The following GBP2 variants were observed in gnomAD, a reference collection of about 807,000 sequenced individuals.
The protein encoded by GBP2 is guanylate binding protein 2.
Under a neutral mutation model 60.8 loss-of-function variants are expected in GBP2, and 54 were observed. The ratio of observed to expected loss-of-function variants is 0.89; its 90% CI spans 0.71 to 1.11. The LOEUF is 1.11. GBP2 is among the 50% of genes most tolerant of loss of function. The pLI is 0.00. For synonymous variants in GBP2, 243 were observed against 256.5 expected (o/e 0.95, Z 0.50); for missense variants, 665 against 703.3 (o/e 0.95, Z 0.62).
At chr1:89,124,735 A>T (rs1323114176) in intron 1 of GBP2, among the ~76,000 whole-genome samples, 2 of 152,196 alleles carry the variant, frequency 1.3e-5, no homozygotes, top group Admixed American at 1.3e-4. Context: ...ATTTGCTGTG[A>T]ATCAGCATTC....
Position 89,117,138 on chromosome 1 carries a change from G to A in GBP2, c.722C>T (p.Pro241Leu). The change falls in exon 6 of 11, where the codon CCT (proline) becomes CTT (leucine). Residue 241 changes from proline to leucine, a missense_variant. Physicochemically the swap from Pro to Leu is moderately conservative, Grantham distance 98. Transcript: ENST00000370466. ...RKCFVFDWPA[P>L]KKYLAHLEQL... ...CTCTAGGTGAGCAAGGTACTTCTTA[G>A]GAGCGGGCCAATCGAAGACGAAGCA... 6.2e-7 allele frequency: 1 copy of A among 1,614,174 alleles called. No individual in the cohort carries two copies. The highest frequency in any genetic ancestry group is 8.5e-7 in the Non-Finnish European group (1 of 1,180,032).
At position 89,106,782 on chromosome 1, in the gene GBP2, G is replaced by C. The variant is rs1681062140; in HGVS notation, c.*1393C>G. 1 of 149,022 alleles carries C rather than the reference G, an allele frequency of 6.7e-6. No homozygotes were observed. Among genetic ancestry groups the C allele is most frequent in the South Asian group, 2.1e-4 (1 of 4,818 alleles). 9.2% of individuals were successfully genotyped at this position (149,022 alleles called of 1,614,324 possible). A position where few individuals can be genotyped will look rare whatever the true frequency, so the allele number is the denominator to read the frequency against. On this transcript the variant is annotated 3_prime_UTR_variant, in exon 11 of 11. Transcript: ENST00000370466. ...GATTCTTCCCTGCAGATTGACTTTT[G>C]TGAGGCTTAGCTGGAGATGTGAGCA...
rs1166072952 is a variant in GBP2, at chr1:89,114,282, C to A, written c.883G>T (p.Val295Leu). 1 of 1,614,134 alleles carries A rather than the reference C, an allele frequency of 6.2e-7. No individual in the cohort carries two copies. Among genetic ancestry groups the A allele is most frequent in the Non-Finnish European group, 8.5e-7 (1 of 1,179,966 alleles). Reference sequence around the variant, plus strand: ...CTGATGGCATTGACGTAGGTCAGCACCAGGCTCTCTAGACCTGCAAAAGGG... The same window carrying A: ...CTGATGGCATTGACGTAGGTCAGCAACAGGCTCTCTAGACCTGCAAAAGGG... Reference protein sequence around the residue: ...PVNGPRLESLVLTYVNAISSG... With the variant: ...PVNGPRLESLLLTYVNAISSG... Residue 295 changes from valine (V) to leucine (L), a missense_variant, in exon 7 of 11, where the codon GTG becomes TTG. Transcript: ENST00000370466.
In GBP2 at chr1:89,121,142, C is replaced by G. The variant is rs1404077796; in HGVS notation, c.318+1G>C. 1.1e-5 allele frequency: 17 copies of G among 1,607,420 alleles called. No homozygotes were observed. The highest frequency in any genetic ancestry group is 1.4e-5 in the Non-Finnish European group (17 of 1,176,916). ...ATTTTTAAAATACTTATTTTTTTTA[C>G]CTTCTCTATATCTCCCAGGCCCTCA... On this transcript the variant is annotated splice_donor_variant, in intron 3 of 10. Transcript: ENST00000370466. LOFTEE classifies it high-confidence loss of function.
intron 8 of GBP2, 121 bp downstream of exon 8, chr1:89,112,351 T>C (rs935004689): frequency 2.6e-6 from 2 of 759,940 alleles, no homozygotes; most frequent in Non-Finnish European, 4.5e-6. Context: ...AATCAGTAAA[T>C]GGAAAAATGA....
Position 89,109,819 on chromosome 1 carries a change from T to G in GBP2, c.1517A>C (p.Glu506Ala). The change falls in exon 10 of 11, where the codon GAA becomes GCA. Residue 506 changes from glutamate to alanine, a missense_variant. Glu to Ala is a moderately radical substitution (Grantham distance 107). Transcript: ENST00000370466. Reference protein sequence around the residue: ...SAEAAKKMLEEIQKKNEEMME... With the variant: ...SAEAAKKMLEAIQKKNEEMME... ...CATCTCCTCATTCTTCTTTTGTATT[T>G]CCTCCAACATTTTCTTTGCAGCTTC... The G allele has an allele frequency of 6.2e-7, 1 of 1,614,064 alleles. No homozygotes were observed. Among genetic ancestry groups the G allele is most frequent in the Non-Finnish European group, 8.5e-7 (1 of 1,179,998 alleles).
Position 89,121,793 on chromosome 1 carries a change from C to T in GBP2, c.174G>A (p.Leu58=). The change falls in exon 2 of 11, where the codon CTG becomes CTA. Residue 58 remains leucine, a synonymous_variant. Transcript: ENST00000370466. ...RTGKSYLMNK[L]AGKKNGFSLG... ...GTCACTCACCGTTTTTCTTCCCAGC[C>T]AGCTTGTTCATCAGGTAGGATTTGC... 1 of 1,613,830 alleles carries T rather than the reference C, an allele frequency of 6.2e-7. No individual in the cohort carries two copies. Among genetic ancestry groups the T allele is most frequent in the Non-Finnish European group, 8.5e-7 (1 of 1,179,848 alleles).
intron 1 of GBP2, among the ~76,000 whole-genome samples, chr1:89,124,430 A>G (rs1295724854): frequency 6.6e-6 from 1 of 152,144 alleles, no homozygotes; most frequent in African/African-American, 2.4e-5. Context: ...TAATTACAAA[A>G]TTTTCTTTGG....
chr1:89,114,225 C>T lies in GBP2; in HGVS notation c.940G>A (p.Val314Ile). ...SGDLPCMENA[V>I]LALAQIENSA... Reference sequence around the variant, plus strand: ...TTCTCTATCTGGGCCAAGGCCAGGACTGCGTTCTCCATGCAGGGTAGATCC... The same window carrying T: ...TTCTCTATCTGGGCCAAGGCCAGGATTGCGTTCTCCATGCAGGGTAGATCC... The change falls in exon 7 of 11, where the codon GTC becomes ATC. Residue 314 changes from valine to isoleucine, a missense_variant. Transcript: ENST00000370466. The T allele has an allele frequency of 6.2e-7, 1 of 1,614,234 alleles. No individual in the cohort carries two copies. The highest frequency in any genetic ancestry group is 1.7e-5 in the Admixed American group (1 of 60,034).
chr1:89,121,117 A>C, intron 3 of GBP2, 26 bp downstream of exon 3: 1 of 1,598,546 alleles, frequency 6.3e-7, no homozygotes. Context: ...CCTAAGTGAA[A>C]TTTTTAAAAT....
In GBP2 at chr1:89,117,568, C is replaced by A. The variant is rs1300494614; in HGVS notation, c.625+9G>T. On this transcript the variant is annotated intron_variant, in intron 5 of 10. Transcript: ENST00000370466. ...ATTTATTACCCAACCAAGCATCAGA[C>A]CCAGTAACCTTTTCTTAGCTTTAGC... is the stretch of plus-strand genomic sequence containing the variant. 1 of 1,608,784 alleles carries A rather than the reference C, an allele frequency of 6.2e-7. No individual in the cohort carries two copies. The highest frequency in any genetic ancestry group is 8.5e-7 in the Non-Finnish European group (1 of 1,176,970).
At chr1:89,125,604 C>T (rs1023589698) in intron 1 of GBP2, among the ~76,000 whole-genome samples, 1 of 152,106 alleles carries the variant, frequency 6.6e-6, no homozygotes, top group Admixed American at 6.6e-5. Context: ...TAAGCAGATA[C>T]TAATAATGAT....
chr1:89,117,454 C>T lies in GBP2; in HGVS notation c.625+123G>A. 4 of 989,020 alleles carry T rather than the reference C, an allele frequency of 4.0e-6. No homozygotes were observed. In the South Asian group the frequency reaches 6.3e-5, roughly 15 times the overall value. 61.3% of individuals were successfully genotyped at this position (989,020 alleles called of 1,614,324 possible). The stretch of plus-strand genomic sequence containing the variant: ...ATATAGTCAAGCAATGTTTCCATTT[C>T]CTCTAGCAGAACAGTCAGAAAAATA... On this transcript the variant is annotated intron_variant, in intron 5 of 10. Transcript: ENST00000370466.
chr1:89,110,238 T>G lies in GBP2; in HGVS notation c.1391A>C (p.Glu464Ala). The G allele has an allele frequency of 6.2e-7, 1 of 1,613,706 alleles. No homozygotes were observed. The highest frequency in any genetic ancestry group is 8.5e-7 in the Non-Finnish European group (1 of 1,179,784). The change falls in exon 9 of 11, where the codon GAG (glutamate) becomes GCG (alanine). Residue 464 changes from glutamate (E) to alanine (A), a missense_variant. By Grantham distance (107) the Glu-to-Ala change is moderately radical. Transcript: ENST00000370466. ...TGCATCAGCCACATCCTCCTTGGAC[T>G]CCAAATATTTTTTCAGCACCTCTTT... is the stretch of plus-strand genomic sequence containing the variant. ...QAKEVLKKYL[E>A]SKEDVADALL...
At chr1:89,115,276 C>T (rs576369026) in intron 6 of GBP2, among the ~76,000 whole-genome samples, 1 of 152,278 alleles carries the variant, frequency 6.6e-6, no homozygotes, top group Non-Finnish European at 1.5e-5. Flanking sequence ...TCCATTTTCA[C>T]CATTTTCACT....
At chr1:89,120,019 A>T (rs931948767) in intron 4 of GBP2, 160 bp downstream of exon 4, 4 of 595,826 alleles carry the variant, frequency 6.7e-6, no homozygotes, top group African/African-American at 3.8e-5. Context: ...TGAAGTTCAG[A>T]TGGAGATTGA....
At chr1:89,121,364 TAAAAG>T (rs1260176760) in intron 2 of GBP2, 94 bp from the exon 3 acceptor site, 2 of 1,102,952 alleles carry the variant, frequency 1.8e-6, no homozygotes, top group South Asian at 3.9e-5. Context: ...TTAAAAGAGA[TAAAAG>T]AAAATACAAC....
chr1:89,121,616 G>T (rs774519062), intron 2 of GBP2, among the ~76,000 whole-genome samples, 161 bp downstream of exon 2: 52 of 152,194 alleles, frequency 3.4e-4, no homozygotes, highest in Non-Finnish European at 5.6e-4. Flanking sequence ...GGAAGAGTCA[G>T]TTGACTGTAA....
At position 89,108,367 on chromosome 1, in the gene GBP2, T is replaced by C. The variant is rs570026365; in HGVS notation, c.1660-76A>G. ...AGATTAGTTCCCCTTTTGGTACTTA[T>C]ATTGATCCTTCAAGAATTTTTGACT... is the stretch of plus-strand genomic sequence containing the variant. On this transcript the variant is annotated intron_variant, in intron 10 of 10. Coordinates refer to ENST00000370466, the MANE Select transcript of GBP2 (RefSeq NM_004120.5). 6.2e-4 allele frequency: 520 copies of C among 841,994 alleles called. 1 individual carries two copies. Among genetic ancestry groups the C allele is most frequent in the African/African-American group, 2.6e-3 (153 of 58,374 alleles). The allele number at this position is 841,994 out of a possible 1,614,324, so 52.2% of individuals were successfully genotyped here. A position where few individuals can be genotyped will look rare whatever the true frequency, so the allele number is the denominator to read the frequency against.
Sources: allele counts gnomAD v4.1 joint callset (sites outside exome capture counted in the v4.1 genomes callset), GRCh38; gene constraint gnomAD v4.1.1; transcripts MANE v1.5; gene names NCBI Gene and HGNC (gene_info 2026-07-23, HGNC 2026-07-21).